XKR9: variants seen among roughly 807,000 people sequenced by gnomAD.
XKR9 encodes XK-related protein 9.
In XKR9, 32 loss-of-function variants were observed where a neutral mutation model predicts 32.0. The observed-to-expected ratio is 1.00, with a 90% CI of 0.76 to 1.34. The LOEUF (loss-of-function observed/expected upper bound fraction) is 1.34. Among genes scored for constraint, XKR9 ranks in the 40% most tolerant of loss-of-function variants. The probability of loss-of-function intolerance (pLI) is 0.00; values close to 1 mark genes in which losing one functional copy is unlikely to be tolerated. For missense variants in XKR9, 546 were observed against 429.7 expected (o/e 1.27, Z -2.39); for synonymous variants, 168 against 143.4 (o/e 1.17, Z -1.22).
intron 2 of XKR9, among the ~76,000 whole-genome samples, chr8:70,788,068 A>T (rs1188675021): frequency 6.6e-6 from 1 of 152,096 alleles, no homozygotes; most frequent in Non-Finnish European, 1.5e-5. Context: ...AACTTAATTA[A>T]TTTCAGTTAT....
At chr8:70,856,999 T>C in the XKR9 span, among the ~76,000 whole-genome samples, 13 of 152,222 alleles carry the variant, frequency 8.5e-5, no homozygotes, top group East Asian at 2.3e-3. Context: ...TTTAAAGCAC[T>C]AAATGCCCAC....
In XKR9 at chr8:70,706,947, T is replaced by TA; in HGVS notation, c.292dup (p.Arg98LysfsTer8). The TA allele has an allele frequency of 1.1e-5, 17 of 1,612,096 alleles. No homozygotes were observed. Among genetic ancestry groups the TA allele is most frequent in the Non-Finnish European group, 1.4e-5 (17 of 1,178,784 alleles). The stretch of plus-strand genomic sequence containing the variant: ...TTACTTTATAGGTATTGGTTTGCCT[T>TA]AAAAAGGGGTTACCATGCAGCTTTT... On this transcript the variant is annotated frameshift_variant, in exon 4 of 5. Coordinates refer to ENST00000408926, the MANE Select transcript of XKR9 (RefSeq NM_001011720.2). LOFTEE classifies it high-confidence loss of function.
At chr8:70,884,323 G>A in the XKR9 span, among the ~76,000 whole-genome samples, 1 of 152,014 alleles carries the variant, frequency 6.6e-6, no homozygotes, top group South Asian at 2.1e-4. Flanking sequence ...CCCAGTCTAT[G>A]ACTTATCACT....
chr8:70,853,390 G>GGTA, the XKR9 span, among the ~76,000 whole-genome samples: 1 of 151,950 alleles, frequency 6.6e-6, no homozygotes, highest in South Asian at 2.1e-4. Context: ...TCTGGTATGT[G>GGTA]TGTACCAAAA....
chr8:70,703,596 A>G (rs897425049), intron 3 of XKR9, among the ~76,000 whole-genome samples: 2 of 152,146 alleles, frequency 1.3e-5, no homozygotes, highest in African/African-American at 4.8e-5. Flanking sequence ...ATAGGTTTCA[A>G]CGTATGAATT....
At chr8:70,893,145 CTTCA>C in the XKR9 span, among the ~76,000 whole-genome samples, 1 of 151,872 alleles carries the variant, frequency 6.6e-6, no homozygotes, top group African/African-American at 2.4e-5. Context: ...TTTCATTGTA[CTTCA>C]TTCATCAAAT....
intron 2 of XKR9, among the ~76,000 whole-genome samples, chr8:70,775,675 G>A (rs1377843083): frequency 6.6e-6 from 1 of 151,582 alleles, no homozygotes; most frequent in Non-Finnish European, 1.5e-5. Context: ...TACCTTTTAT[G>A]TATTAATGGA....
the XKR9 span, among the ~76,000 whole-genome samples, chr8:70,921,324 G>C: frequency 3.9e-5 from 6 of 152,202 alleles, no homozygotes; most frequent in African/African-American, 1.2e-4. Context: ...CCTCCATGAT[G>C]AAGGGAGACT....
At chr8:71,051,525 TGG>T in the XKR9 span, among the ~76,000 whole-genome samples, 56,503 of 148,124 alleles carry the variant, frequency 0.38, 12,070 homozygotes, top group African/African-American at 0.61. Flanking sequence ...GTGGTGGTGG[TGG>T]GGTGTGTGTG....
the XKR9 span, among the ~76,000 whole-genome samples, chr8:70,932,637 G>A: frequency 2.0e-5 from 3 of 152,272 alleles, no homozygotes; most frequent in African/African-American, 4.8e-5. Context: ...AGTTCAAGGT[G>A]CCAGTAGGAC....
chr8:70,832,216 A>G, the XKR9 span, among the ~76,000 whole-genome samples: 1 of 152,220 alleles, frequency 6.6e-6, no homozygotes, highest in Non-Finnish European at 1.5e-5. Flanking sequence ...GTTCCAGGCT[A>G]GATGAGGGCA....
At chr8:70,897,000 T>A in the XKR9 span, among the ~76,000 whole-genome samples, 3 of 152,118 alleles carry the variant, frequency 2.0e-5, no homozygotes, top group African/African-American at 7.2e-5. Context: ...TTTGTACCAA[T>A]GGACCATCCC....
At chr8:71,012,835 G>T in the XKR9 span, among the ~76,000 whole-genome samples, 3 of 152,142 alleles carry the variant, frequency 2.0e-5, no homozygotes, top group Admixed American at 1.3e-4. Flanking sequence ...ACTGTACTGA[G>T]CTATCCAAGT....
chr8:70,963,091 A>T, the XKR9 span, among the ~76,000 whole-genome samples: 1 of 152,086 alleles, frequency 6.6e-6, no homozygotes, highest in South Asian at 2.1e-4. Flanking sequence ...TAAACCCTTA[A>T]CTATTCTTCC....
At position 70,754,973 on chromosome 8, in the gene XKR9, G is replaced by A. The variant is rs1187667961; in HGVS notation, n.353-34366G>A. Reference sequence around the variant, plus strand: ...AAAGAAACTACCATCAGAGTGAACAGGCAACCTACAAAATGGGAGAAAATT... The same window carrying A: ...AAAGAAACTACCATCAGAGTGAACAAGCAACCTACAAAATGGGAGAAAATT... On this transcript the variant is annotated intron_variant and non_coding_transcript_variant, in intron 2 of 3. Coordinates refer to the XKR9 transcript ENST00000520273. Among the ~76,000 whole-genome samples the A allele has an allele frequency of 3.3e-5, 5 of 152,080 alleles. No individual in the cohort carries two copies. The East Asian group carries it at 9.7e-4, about 29-fold the overall frequency.
the XKR9 span, among the ~76,000 whole-genome samples, chr8:70,980,304 AC>A: frequency 1.3e-5 from 2 of 152,080 alleles, no homozygotes; most frequent in East Asian, 3.9e-4. Flanking sequence ...TGAACCAGAT[AC>A]CTCAGTTGGA....
chr8:70,920,417 C>T, the XKR9 span, among the ~76,000 whole-genome samples: 44 of 152,160 alleles, frequency 2.9e-4, no homozygotes, highest in African/African-American at 9.9e-4. Context: ...TTTTAACTTT[C>T]ATTACGATTT....
At position 70,745,162 on chromosome 8, in the gene XKR9, G is replaced by T. The variant is rs751973839; in HGVS notation, n.352+38009G>T. On this transcript the variant is annotated intron_variant and non_coding_transcript_variant, in intron 2 of 3. Transcript: ENST00000520273. Reference sequence around the variant, plus strand: ...ATTTTCTTATTGGTTTTATAGCCAAGAAATAAATGGGAAGATCCTGGTCAG... The same window carrying T: ...ATTTTCTTATTGGTTTTATAGCCAATAAATAAATGGGAAGATCCTGGTCAG... Among the ~76,000 whole-genome samples the T allele has an allele frequency of 6.6e-5, 10 of 151,512 alleles. No individual in the cohort carries two copies. In the East Asian group the frequency reaches 1.7e-3, roughly 26 times the overall value.
At chr8:70,759,357 G>A (rs1807274735) in intron 2 of XKR9, among the ~76,000 whole-genome samples, 1 of 152,122 alleles carries the variant, frequency 6.6e-6, no homozygotes, top group Non-Finnish European at 1.5e-5. Flanking sequence ...AGGGGGTGGA[G>A]AGAAAGGAAG....
Sources: gnomAD v4.1 joint callset for allele counts (sites outside exome capture counted in the v4.1 genomes callset) on GRCh38, gnomAD v4.1.1 for gene constraint, MANE v1.5 for transcripts, NCBI Gene and HGNC (gene_info 2026-07-23, HGNC 2026-07-21) for gene names.